Variants in ANKIB1 observed in about 807,000 individuals in gnomAD.
ANKIB1 encodes ankyrin repeat and IBR domain-containing protein 1.
In ANKIB1, 43 loss-of-function variants were observed where a neutral mutation model predicts 122.1. That is an observed-to-expected ratio of 0.35 (90% confidence interval 0.28 to 0.45). The LOEUF (loss-of-function observed/expected upper bound fraction) is 0.45, where lower values mean the gene tolerates loss of function less well. Ranked by LOEUF, ANKIB1 falls within the 20% of genes least tolerant of loss-of-function variation. The pLI, the probability that ANKIB1 is intolerant of heterozygous loss-of-function variation, is 1.00. For missense variants in ANKIB1, 992 were observed against 1,329.5 expected (o/e 0.75, Z 3.95); for synonymous variants, 390 against 442.0 (o/e 0.88, Z 1.48).
chr7:92,302,087 C>T (rs916916116), intron 2 of ANKIB1, among the ~76,000 whole-genome samples: 5 of 152,050 alleles, frequency 3.3e-5, no homozygotes, highest in African/African-American at 1.2e-4. Flanking sequence ...GTGCCTGCCA[C>T]CACCCCTAGC....
At chr7:92,355,265 CT>C (rs927220635) in intron 9 of ANKIB1, among the ~76,000 whole-genome samples, 4 of 121,150 alleles carry the variant, frequency 3.3e-5, no homozygotes, top group African/African-American at 1.2e-4. Flanking sequence ...CTTTTTTTTT[CT>C]TTTTAATTAA....
rs763012194 is a variant in ANKIB1, at chr7:92,362,227, A to G, written c.1440A>G (p.Thr480=). The G allele has an allele frequency of 1.2e-6, 2 of 1,601,660 alleles. No individual in the cohort carries two copies. The highest frequency in any genetic ancestry group is 1.7e-5 in the Admixed American group (1 of 58,254). Residue 480 remains threonine, a synonymous_variant, in exon 10 of 20, where the codon ACA becomes ACG. Coordinates refer to ENST00000265742, the MANE Select transcript of ANKIB1 (RefSeq NM_019004.2). The part of the protein sequence containing the change: ...GEAHEPCDCQ[T]WKNWLQKITE... ...CACATGAGCCTTGTGACTGCCAAACATGGAAGAATTGGCTGCAAAAAATAA... is the reference window on the plus strand; with the variant it reads ...CACATGAGCCTTGTGACTGCCAAACGTGGAAGAATTGGCTGCAAAAAATAA...
chr7:92,336,886 A>G (rs1235726114), intron 5 of ANKIB1, among the ~76,000 whole-genome samples: 9 of 152,104 alleles, frequency 5.9e-5, no homozygotes, highest in Non-Finnish European at 1.0e-4. Flanking sequence ...ATTTTGTCCA[A>G]TATTTGTAGC....
At chr7:92,339,247 T>G (rs1356190088) in intron 5 of ANKIB1, among the ~76,000 whole-genome samples, 10 of 151,532 alleles carry the variant, frequency 6.6e-5, no homozygotes, top group Non-Finnish European at 1.2e-4. Flanking sequence ...TTTCACTGTG[T>G]TAGCCAGGAT....
At chr7:92,379,000 C>T (rs1804448901) in intron 11 of ANKIB1, among the ~76,000 whole-genome samples, 1 of 152,200 alleles carries the variant, frequency 6.6e-6, no homozygotes, top group Non-Finnish European at 1.5e-5. Flanking sequence ...TGTAAACCCA[C>T]TGTAGGTCAC....
At position 92,396,415 on chromosome 7, in the gene ANKIB1, A is replaced by T. The variant is rs550230406; in HGVS notation, c.2334A>T (p.Gly778=). 10 of 1,599,074 alleles carry T rather than the reference A, an allele frequency of 6.3e-6. No homozygotes were observed. The highest frequency in any genetic ancestry group is 8.5e-6 in the Non-Finnish European group (10 of 1,172,434). The part of the protein sequence containing the change: ...YRRRHRQRRR[G]DVHSLLSNPP... ...GGAGGCACAGACAACGTCGTCGAGG[A>T]GATGTTCACAGTCTACTCAGTAATC... is the stretch of plus-strand genomic sequence containing the variant. The change falls in exon 18 of 20, where the codon GGA becomes GGT. Residue 778 remains glycine (G), a synonymous_variant. Coordinates refer to ENST00000265742, the MANE Select transcript of ANKIB1 (RefSeq NM_019004.2).
intron 2 of ANKIB1, among the ~76,000 whole-genome samples, chr7:92,301,575 T>C (rs1252897660): frequency 2.0e-5 from 3 of 152,164 alleles, no homozygotes; most frequent in African/African-American, 4.8e-5. Context: ...GTTCTTTATA[T>C]AGTTTTTATT....
intron 1 of ANKIB1, among the ~76,000 whole-genome samples, chr7:92,266,899 C>T (rs2131887719): frequency 6.6e-6 from 1 of 152,318 alleles, no homozygotes; most frequent in African/African-American, 2.4e-5. Context: ...AACAGCATGA[C>T]AGCCAGCAAA....
intron 11 of ANKIB1, among the ~76,000 whole-genome samples, chr7:92,381,565 G>T (rs922115454): frequency 3.3e-5 from 5 of 152,208 alleles, no homozygotes; most frequent in Non-Finnish European, 7.3e-5. Flanking sequence ...CTACAAGCCA[G>T]AAGAGAGTGG....
intron 1 of ANKIB1, among the ~76,000 whole-genome samples, chr7:92,277,233 T>C (rs1801923435): frequency 6.6e-6 from 1 of 152,204 alleles, no homozygotes; most frequent in Non-Finnish European, 1.5e-5. Context: ...CAGGTATTTA[T>C]AGCACTGTGA....
In ANKIB1 at chr7:92,352,507, G is replaced by C. The variant is rs1462480032; in HGVS notation, c.1262G>C (p.Trp421Ser). The C allele has an allele frequency of 6.2e-7, 1 of 1,613,140 alleles. No homozygotes were observed. The highest frequency in any genetic ancestry group is 1.7e-5 in the Admixed American group (1 of 59,820). Reference protein sequence around the residue: ...AFVENNPAIKWCPTPGCDRAV... With the variant: ...AFVENNPAIKSCPTPGCDRAV... The stretch of plus-strand genomic sequence containing the variant: ...GTTGAAAATAATCCTGCCATTAAAT[G>C]GTGTCCTACTCCAGGCTGTGACAGA... The change falls in exon 9 of 20, where the codon TGG (tryptophan) becomes TCG (serine). Residue 421 changes from tryptophan to serine, a missense_variant. This residue lies in a region of ANKIB1 where 521 missense variants were observed against 777.7 expected (regional missense o/e 0.67). Coordinates refer to ENST00000265742, the MANE Select transcript of ANKIB1 (RefSeq NM_019004.2).
chr7:92,341,519 TA>T (rs781118780), intron 5 of ANKIB1, among the ~76,000 whole-genome samples: 1 of 149,410 alleles, frequency 6.7e-6, no homozygotes, highest in Non-Finnish European at 1.5e-5. Flanking sequence ...GTAAACAAAG[TA>T]GGGGGATATT....
rs369845053 is a variant in ANKIB1, at chr7:92,369,452, T to C, written c.1487-2025T>C. On this transcript the variant is annotated intron_variant, in intron 10 of 19. Transcript: ENST00000265742. ...CAGCTCTACTTCTGTGCTGCTAGGC[T>C]CCAACAGAGGACTGCTTCTCTGCTT... Among the ~76,000 whole-genome samples the C allele has an allele frequency of 2.6e-5, 4 of 152,190 alleles. No homozygotes were observed. The East Asian group carries it at 5.8e-4, about 22-fold the overall frequency.
chr7:92,387,774 C>A (rs919680996), intron 12 of ANKIB1, 24 bp from the exon 13 acceptor site: 16 of 1,580,950 alleles, frequency 1.0e-5, no homozygotes, highest in South Asian at 4.7e-5. Flanking sequence ...TTATAAAAGT[C>A]ATTTGTGGAC....
At chr7:92,334,024 T>C (rs1803235072) in intron 5 of ANKIB1, among the ~76,000 whole-genome samples, 2 of 152,198 alleles carry the variant, frequency 1.3e-5, no homozygotes, top group Admixed American at 1.3e-4. Context: ...TCAACAGTTA[T>C]TATAATGACC....
At chr7:92,318,962 A>G (rs964614378) in intron 3 of ANKIB1, among the ~76,000 whole-genome samples, 1 of 152,216 alleles carries the variant, frequency 6.6e-6, no homozygotes, top group Non-Finnish European at 1.5e-5. Flanking sequence ...TTGTTTAAGA[A>G]AGATTTATAG....
intron 1 of ANKIB1, among the ~76,000 whole-genome samples, chr7:92,288,127 A>G (rs1455790896): frequency 5.9e-5 from 9 of 152,090 alleles, no homozygotes; most frequent in African/African-American, 2.2e-4. Flanking sequence ...AAAAAACGAA[A>G]TCTAGAACTA....
intron 10 of ANKIB1, among the ~76,000 whole-genome samples, chr7:92,370,371 G>C (rs1044167357): frequency 9.9e-5 from 15 of 151,670 alleles, no homozygotes; most frequent in Admixed American, 9.9e-4. Flanking sequence ...AGCCAGGCGT[G>C]GTGGCAGGCG....
chr7:92,315,960 G>C (rs772216861), intron 3 of ANKIB1, among the ~76,000 whole-genome samples: 4 of 152,108 alleles, frequency 2.6e-5, no homozygotes, highest in Non-Finnish European at 4.4e-5. Flanking sequence ...CCATTTAGAG[G>C]GTGATCAAAG....
Sources: allele counts gnomAD v4.1 joint callset (sites outside exome capture counted in the v4.1 genomes callset), GRCh38; gene constraint gnomAD v4.1.1; regional missense constraint gnomAD v4.1.1; transcripts MANE v1.5; gene names NCBI Gene and HGNC (gene_info 2026-07-23, HGNC 2026-07-21).